GALNT9: variants seen among roughly 807,000 people sequenced by gnomAD.
GALNT9 encodes polypeptide N-acetylgalactosaminyltransferase 9.
A neutral mutation model predicts 63.1 loss-of-function variants in GALNT9; 47 were observed. The ratio of observed to expected loss-of-function variants is 0.75; its 90% confidence interval spans 0.59 to 0.95. The LOEUF (loss-of-function observed/expected upper bound fraction) is 0.95. Ranked by LOEUF, GALNT9 falls within the 40% of genes least tolerant of loss-of-function variation. The probability of loss-of-function intolerance (pLI) is 0.00; values close to 1 mark genes in which losing one functional copy is unlikely to be tolerated. For missense variants in GALNT9, 829 were observed against 874.8 expected (o/e 0.95, Z 0.66); for synonymous variants, 396 against 365.7 (o/e 1.08, Z -0.94).
At chr12:132,311,615 A>G (rs1349286529) in intron 1 of GALNT9, among the ~76,000 whole-genome samples, 1 of 152,074 alleles carries the variant, frequency 6.6e-6, no homozygotes, top group African/African-American at 2.4e-5. Flanking sequence ...GCAGATGTGG[A>G]CTCCAGGCCA....
At chr12:132,202,753 A>G (rs1876261022) in intron 7 of GALNT9, among the ~76,000 whole-genome samples, 1 of 152,014 alleles carries the variant, frequency 6.6e-6, no homozygotes, top group Non-Finnish European at 1.5e-5. Context: ...GGGTGGTTCC[A>G]GAGACGCTGG....
At chr12:132,320,647 G>C (rs28649898) in intron 1 of GALNT9, among the ~76,000 whole-genome samples, 58,744 of 123,534 alleles carry the variant, frequency 0.48, 11,539 homozygotes, top group East Asian at 0.62. Context: ...CGTGGGACAC[G>C]GTGGAGGAGG....
chr12:132,267,863 C>A (rs1279612239), intron 2 of GALNT9, among the ~76,000 whole-genome samples: 3 of 134,276 alleles, frequency 2.2e-5, no homozygotes, highest in African/African-American at 3.1e-5. Flanking sequence ...TGCACACACA[C>A]ACGCATACAA....
intron 6 of GALNT9, 24 bp from the exon 7 acceptor site, chr12:132,203,714 C>A (rs1283503682): frequency 3.7e-6 from 6 of 1,604,240 alleles, no homozygotes; most frequent in Non-Finnish European, 5.1e-6. Context: ...GCGCTGGGTG[C>A]CGGCGTCCTT....
intron 6 of GALNT9, among the ~76,000 whole-genome samples, chr12:132,214,759 G>A (rs1484583205): frequency 2.0e-5 from 3 of 152,048 alleles, no homozygotes; most frequent in Non-Finnish European, 4.4e-5. Flanking sequence ...TCTCACCAAT[G>A]GCCATTGTCT....
chr12:132,237,981 A>C (rs1477533957), intron 6 of GALNT9, among the ~76,000 whole-genome samples: 1 of 152,176 alleles, frequency 6.6e-6, no homozygotes. Context: ...GCCTAGACCC[A>C]GGCCCTCAGG....
chr12:132,320,284 G>A (rs1434301330), intron 1 of GALNT9, among the ~76,000 whole-genome samples: 3 of 152,204 alleles, frequency 2.0e-5, no homozygotes, highest in African/African-American at 7.2e-5. Context: ...GTGCAGAGCC[G>A]GGACCTCACT....
chr12:132,306,048 C>A (rs529525121), intron 1 of GALNT9, among the ~76,000 whole-genome samples: 1 of 152,326 alleles, frequency 6.6e-6, no homozygotes, highest in Non-Finnish European at 1.5e-5. Context: ...ACAGTGGCTC[C>A]CGCCCTCAGG....
chr12:132,284,056 T>A (rs1400247331), intron 2 of GALNT9: 1 of 152,244 alleles, frequency 6.6e-6, no homozygotes, highest in East Asian at 1.9e-4. Flanking sequence ...ACAGGAGCGT[T>A]CAAAAACCAC....
At chr12:132,321,537 TCCTGGCAGCCC>T (rs1555246144) in intron 1 of GALNT9, among the ~76,000 whole-genome samples, 1 of 152,156 alleles carries the variant, frequency 6.6e-6, no homozygotes. Context: ...CAACAGGCTG[TCCTGGCAGCCC>T]CCTGCCCTAG....
chr12:132,286,413 C>G lies in GALNT9; in HGVS notation c.256G>C (p.Gly86Arg). Reference protein sequence around the residue: ...NQLNGLAKPIGLVEGPGGLGQ... With the variant: ...NQLNGLAKPIRLVEGPGGLGQ... ...AGGCCTCCTGGCCCCTCCACCAGGCCGATGGGCTTGGCAAGGCCTGGGGGA... is the reference window on the plus strand; with the variant it reads ...AGGCCTCCTGGCCCCTCCACCAGGCGGATGGGCTTGGCAAGGCCTGGGGGA... Residue 86 changes from glycine to arginine, a missense_variant, in exon 2 of 11, where the codon GGC becomes CGC. By Grantham distance (125) the Gly-to-Arg change is moderately radical (BLOSUM62 -2). Transcript: ENST00000328957. The surrounding 1 kb of genome is among the most constrained non-coding windows in gnomAD (Gnocchi z 7.4). 2 of 1,550,220 alleles carry G rather than the reference C, an allele frequency of 1.3e-6. No homozygotes were observed. Among genetic ancestry groups the G allele is most frequent in the East Asian group, 4.9e-5 (2 of 40,892 alleles).
intron 2 of GALNT9, among the ~76,000 whole-genome samples, chr12:132,266,662 C>G (rs1378297995): frequency 6.6e-6 from 1 of 152,226 alleles, no homozygotes; most frequent in Admixed American, 6.5e-5. Flanking sequence ...GGTCTGCCCT[C>G]CAGAACGGGG....
intron 1 of GALNT9, among the ~76,000 whole-genome samples, chr12:132,321,941 C>T (rs1357747249): frequency 2.0e-5 from 3 of 151,618 alleles, no homozygotes; most frequent in East Asian, 1.9e-4. Flanking sequence ...CCCCAGCCCC[C>T]GCCTCGGCCC....
At chr12:132,240,256 G>A in intron 6 of GALNT9, among the ~76,000 whole-genome samples, 1 of 152,150 alleles carries the variant, frequency 6.6e-6, no homozygotes, top group East Asian at 1.9e-4. Context: ...ATATGACCAA[G>A]TCAGGCGCCG....
chr12:132,218,255 GC>G (rs1385729010), intron 6 of GALNT9, among the ~76,000 whole-genome samples: 1 of 152,192 alleles, frequency 6.6e-6, no homozygotes, highest in Non-Finnish European at 1.5e-5. Context: ...GGCCAAGCAA[GC>G]CCTGTGTTCC....
chr12:132,262,435 C>G (rs781914008), intron 3 of GALNT9, 24 bp downstream of exon 3: 3 of 1,540,418 alleles, frequency 1.9e-6, no homozygotes, highest in Non-Finnish European at 1.8e-6. Context: ...CGGCGAGCAC[C>G]GTGCCGAGGC....
At chr12:132,311,220 G>T (rs1260276337) in intron 1 of GALNT9, among the ~76,000 whole-genome samples, 3 of 152,196 alleles carry the variant, frequency 2.0e-5, no homozygotes, top group Non-Finnish European at 4.4e-5. Flanking sequence ...TCTGAATACT[G>T]TGACTTTGAC....
intron 6 of GALNT9, among the ~76,000 whole-genome samples, chr12:132,213,181 GTCT>G (rs1877032361): frequency 2.2e-5 from 1 of 44,638 alleles, no homozygotes; most frequent in Non-Finnish European, 4.5e-5. Flanking sequence ...CCCCACCCGG[GTCT>G]GCAGCCTTCA....
At position 132,319,595 on chromosome 12, in the gene GALNT9, T is replaced by C. The variant is rs898708666; in HGVS notation, c.238+9371A>G. On this transcript the variant is annotated intron_variant, in intron 1 of 10. Transcript: ENST00000328957. This position sits in a 1 kb window ranked among gnomAD's most constrained non-coding sequence, Gnocchi z 5.2. ...ACATCTCCTCTTGGGTCTCTCTCTATCCGCCGGCTCCTTTCCTCGGGAGAG... is the reference window on the plus strand; with the variant it reads ...ACATCTCCTCTTGGGTCTCTCTCTACCCGCCGGCTCCTTTCCTCGGGAGAG... Among the ~76,000 whole-genome samples, 2 of 152,074 alleles carry C rather than the reference T, an allele frequency of 1.3e-5. No homozygotes were observed. Among genetic ancestry groups the C allele is most frequent in the Non-Finnish European group, 2.9e-5 (2 of 68,006 alleles).
Sources: gnomAD v4.1 joint callset for allele counts (sites outside exome capture counted in the v4.1 genomes callset) on GRCh38, gnomAD v4.1.1 for gene constraint, Gnocchi (gnomAD v3.1) non-coding constraint, MANE v1.5 for transcripts, NCBI Gene and HGNC (gene_info 2026-07-23, HGNC 2026-07-21) for gene names.